The following LRBA variants were observed in gnomAD, a reference collection of about 807,000 sequenced individuals.
The protein encoded by LRBA is lipopolysaccharide-responsive and beige-like anchor protein.
LRBA carries 176 observed loss-of-function variants against 330.0 expected under a neutral mutation model. The ratio of observed to expected loss-of-function variants is 0.53; its 90% CI spans 0.47 to 0.60. The LOEUF (loss-of-function observed/expected upper bound fraction) is 0.60. LRBA is among the 20% of genes least tolerant of loss of function. The pLI is 0.00. For missense variants in LRBA, 3,259 were observed against 3,444.8 expected (o/e 0.95, Z 1.35); for synonymous variants, 1,230 against 1,193.0 (o/e 1.03, Z -0.64).
chr4:150,885,307 C>A (rs116705533), intron 17 of LRBA, among the ~76,000 whole-genome samples: 3,902 of 151,822 alleles, frequency 0.026, 138 homozygotes, highest in African/African-American at 0.085. Context: ...ACTCAATAAA[C>A]CACCGAAGTG....
At chr4:150,341,888 G>A (rs1329412846) in intron 48 of LRBA, among the ~76,000 whole-genome samples, 3 of 151,522 alleles carry the variant, frequency 2.0e-5, no homozygotes, top group South Asian at 2.1e-4. Context: ...AAATTAATGG[G>A]TGAATTCTGG....
intron 50 of LRBA, among the ~76,000 whole-genome samples, chr4:150,320,235 C>T (rs780153228): frequency 6.6e-6 from 1 of 152,088 alleles, no homozygotes; most frequent in African/African-American, 2.4e-5. Context: ...AGGCGAGCTC[C>T]CTGGGCTCAG....
chr4:150,727,065 TTG>T, intron 36 of LRBA, among the ~76,000 whole-genome samples: 8 of 103,082 alleles, frequency 7.8e-5, no homozygotes, highest in Non-Finnish European at 1.7e-4. Flanking sequence ...GAACATTTCG[TTG>T]TTTTTTTTTT....
At chr4:150,427,605 G>C (rs538439735) in intron 46 of LRBA, among the ~76,000 whole-genome samples, 12 of 152,030 alleles carry the variant, frequency 7.9e-5, no homozygotes, top group African/African-American at 2.2e-4. Context: ...ATAGGAAGGA[G>C]AAAGGAATGA....
intron 2 of LRBA, among the ~76,000 whole-genome samples, chr4:150,994,897 A>T (rs909394531): frequency 2.9e-4 from 44 of 152,354 alleles, no homozygotes; most frequent in African/African-American, 8.9e-4. Context: ...GTGAGCACTG[A>T]AACCAGCCTC....
At chr4:150,404,897 G>C (rs1200952828) in intron 47 of LRBA, among the ~76,000 whole-genome samples, 2 of 152,150 alleles carry the variant, frequency 1.3e-5, no homozygotes, top group Non-Finnish European at 2.9e-5. Context: ...ACAATAACAT[G>C]TCACTAAACA....
At chr4:150,405,314 T>C (rs562926285) in intron 47 of LRBA, among the ~76,000 whole-genome samples, 1 of 152,334 alleles carries the variant, frequency 6.6e-6, no homozygotes, top group South Asian at 2.1e-4. Flanking sequence ...TAAGATTTAA[T>C]TTCAGAAAGA....
In LRBA at chr4:150,831,753, A is replaced by G. The variant is rs903991245; in HGVS notation, c.4729+64T>C. ...TTTAAATTCCAATATCAATATTTTAACCATCAAAAGTAAGTAACATTTATT... is the reference window on the plus strand; with the variant it reads ...TTTAAATTCCAATATCAATATTTTAGCCATCAAAAGTAAGTAACATTTATT... On this transcript the variant is annotated intron_variant, in intron 29 of 56. Transcript: ENST00000651943. 19 of 1,240,762 alleles carry G rather than the reference A, an allele frequency of 1.5e-5. No homozygotes were observed. The African/African-American group carries it at 2.6e-4, about 17-fold the overall frequency. 76.9% of individuals were successfully genotyped at this position (1,240,762 alleles called of 1,614,324 possible). A position where few individuals can be genotyped will look rare whatever the true frequency, so the allele number is the denominator to read the frequency against.
intron 39 of LRBA, among the ~76,000 whole-genome samples, chr4:150,590,122 A>T (rs4309819): frequency 5.3e-5 from 8 of 152,074 alleles, no homozygotes; most frequent in Non-Finnish European, 1.0e-4. Context: ...AAAGTAAAAA[A>T]GCCATTTAAT....
At chr4:151,007,437 G>A (rs964674240) in intron 2 of LRBA, among the ~76,000 whole-genome samples, 5 of 151,356 alleles carry the variant, frequency 3.3e-5, no homozygotes, top group Non-Finnish European at 5.9e-5. Flanking sequence ...CCCGGGAGGC[G>A]GAGCTTTCAG....
chr4:150,419,594 A>G (rs562305739), intron 46 of LRBA, among the ~76,000 whole-genome samples: 1 of 151,420 alleles, frequency 6.6e-6, no homozygotes, highest in Non-Finnish European at 1.5e-5. Context: ...ACCTATGTCA[A>G]TAATGGTAAA....
Position 150,950,270 on chromosome 4 carries a change from T to C in LRBA, c.217-21205A>G, listed in dbSNP as rs118090874. On this transcript the variant is annotated intron_variant, in intron 2 of 56. Transcript: ENST00000651943. ...CCAGTCAAAGTCCACTGAACTTACA[T>C]TACTTGAACTCAAACATCATAGGAT... Among the ~76,000 whole-genome samples the C allele has an allele frequency of 2.1e-4, 32 of 152,270 alleles. No individual in the cohort carries two copies. The East Asian group carries it at 5.8e-3, about 28-fold the overall frequency.
chr4:150,666,981 A>G (rs762931444), intron 37 of LRBA, among the ~76,000 whole-genome samples: 1 of 152,208 alleles, frequency 6.6e-6, no homozygotes, highest in Non-Finnish European at 1.5e-5. Context: ...GCTGAAACCC[A>G]GAGAGACTAA....
chr4:150,587,945 G>C, intron 40 of LRBA, 103 bp downstream of exon 40: 1 of 1,295,980 alleles, frequency 7.7e-7, no homozygotes, highest in South Asian at 1.8e-5. Flanking sequence ...AGGCAACTTA[G>C]AAGAAATTCA....
intron 36 of LRBA, among the ~76,000 whole-genome samples, chr4:150,724,903 T>TATAC (rs1238108889): frequency 1.4e-5 from 2 of 145,500 alleles, no homozygotes; most frequent in Admixed American, 6.9e-5. Flanking sequence ...TGTATATATA[T>TATAC]ACACACACAC....
At chr4:150,522,140 TC>T (rs1762980325) in intron 40 of LRBA, among the ~76,000 whole-genome samples, 1 of 152,100 alleles carries the variant, frequency 6.6e-6, no homozygotes, top group Non-Finnish European at 1.5e-5. Context: ...AAACCTGAGT[TC>T]TTTTCGGGGC....
At chr4:150,867,905 A>C in intron 21 of LRBA, 42 bp from the exon 22 acceptor site, 1 of 1,461,906 alleles carries the variant, frequency 6.8e-7, no homozygotes, top group South Asian at 1.3e-5. Flanking sequence ...AAGAAAAAAA[A>C]ATTATCTAAA....
chr4:150,859,373 C>A (rs137990566), intron 22 of LRBA, among the ~76,000 whole-genome samples: 2 of 151,892 alleles, frequency 1.3e-5, no homozygotes, highest in Admixed American at 6.6e-5. Context: ...AGTTTAAATG[C>A]CTTAATTTAA....
At chr4:150,933,151 G>A (rs543465189) in intron 2 of LRBA, among the ~76,000 whole-genome samples, 7 of 151,920 alleles carry the variant, frequency 4.6e-5, no homozygotes, top group Middle Eastern at 3.4e-3. Context: ...ACTCTGGGAG[G>A]CCAAGGTGGG....
Sources: gnomAD v4.1 joint callset for allele counts (sites outside exome capture counted in the v4.1 genomes callset) on GRCh38, gnomAD v4.1.1 for gene constraint, MANE v1.5 for transcripts, NCBI Gene and HGNC (gene_info 2026-07-23, HGNC 2026-07-21) for gene names.